Variants in ZDHHC11 observed in about 807,000 individuals in gnomAD.
ZDHHC11 encodes the protein zDHHC palmitoyltransferase 11, also known as palmitoyltransferase ZDHHC11.
ZDHHC11 carries 44 observed loss-of-function variants against 51.3 expected under a neutral mutation model. That is an observed-to-expected ratio of 0.86 (90% CI 0.67 to 1.10). ZDHHC11 has a LOEUF of 1.10. Ranked by LOEUF, ZDHHC11 falls within the 50% of genes least tolerant of loss-of-function variation. The pLI, the probability that ZDHHC11 is intolerant of heterozygous loss-of-function variation, is 0.00. For missense variants in ZDHHC11, 400 were observed against 537.7 expected, an observed-to-expected ratio of 0.74 and a Z score of 2.53; for synonymous variants, 163 against 222.0, an observed-to-expected ratio of 0.73 and a Z score of 2.36.
intron 1 of ZDHHC11, among the ~76,000 whole-genome samples, chr5:856,310 C>T (rs1748235352): frequency 6.6e-6 from 1 of 151,746 alleles, no homozygotes; most frequent in Admixed American, 6.6e-5. Context: ...CAAGACACCA[C>T]ACACACCATA....
At chr5:813,939 C>A (rs566155067) in intron 11 of ZDHHC11, among the ~76,000 whole-genome samples, 2 of 151,086 alleles carry the variant, frequency 1.3e-5, no homozygotes, top group East Asian at 1.9e-4. Flanking sequence ...ATGACTCTTA[C>A]CTTTCCACTT....
intron 11 of ZDHHC11, among the ~76,000 whole-genome samples, chr5:813,069 A>G (rs200564251): frequency 0.22 from 28,871 of 130,674 alleles, 8,621 homozygotes; most frequent in African/African-American, 0.67. Context: ...AGACACAGTG[A>G]CTCATGTCTG....
intron 6 of ZDHHC11, among the ~76,000 whole-genome samples, chr5:835,830 CTTTTT>C (rs1743756458): frequency 6.6e-6 from 1 of 151,722 alleles, no homozygotes. Context: ...CAAATTTATT[CTTTTT>C]TTATTAGACT....
chr5:807,303 CTT>C (rs1213273735), intron 11 of ZDHHC11, among the ~76,000 whole-genome samples: 1 of 150,674 alleles, frequency 6.6e-6, no homozygotes, highest in African/African-American at 2.4e-5. Flanking sequence ...TGTATGTACT[CTT>C]TAGGAATATA....
chr5:797,029 AC>A (rs528197267), intron 12 of ZDHHC11, among the ~76,000 whole-genome samples: 1 of 151,064 alleles, frequency 6.6e-6, no homozygotes. Context: ...AATACAGTGA[AC>A]CCCCGTCTCT....
At chr5:849,313 A>G (rs1013657439) in intron 1 of ZDHHC11, among the ~76,000 whole-genome samples, 2 of 152,062 alleles carry the variant, frequency 1.3e-5, no homozygotes, top group African/African-American at 4.8e-5. Flanking sequence ...AAGCACAGTG[A>G]CCCCAAAACC....
At chr5:841,457 T>A in intron 4 of ZDHHC11, 1 of 976,758 alleles carries the variant, frequency 1.0e-6, no homozygotes. Flanking sequence ...GGGGTCACAG[T>A]GCCCACCCCT....
At chr5:799,708 T>C (rs1046529902) in intron 12 of ZDHHC11, among the ~76,000 whole-genome samples, 1 of 151,656 alleles carries the variant, frequency 6.6e-6, no homozygotes, top group African/African-American at 2.4e-5. Context: ...CGCTGTTCTA[T>C]AGACATTCTA....
chr5:803,505 C>T (rs1738788525), intron 11 of ZDHHC11, among the ~76,000 whole-genome samples: 1 of 151,338 alleles, frequency 6.6e-6, no homozygotes, highest in Admixed American at 6.6e-5. Flanking sequence ...AGAAAATCCA[C>T]AGTCCCAGAG....
chr5:799,795 TTC>T (rs1158061738), intron 12 of ZDHHC11, among the ~76,000 whole-genome samples: 2 of 151,664 alleles, frequency 1.3e-5, no homozygotes, highest in Admixed American at 1.3e-4. Context: ...AATTTACTTC[TTC>T]TTTCCTTGAA....
chr5:808,739 C>G (rs1739654478), intron 11 of ZDHHC11, among the ~76,000 whole-genome samples: 1 of 146,400 alleles, frequency 6.8e-6, no homozygotes, highest in Non-Finnish European at 1.5e-5. Flanking sequence ...GCTCTGTCGC[C>G]CAGGCTGGAG....
At chr5:838,378 A>G (rs561118174) in intron 5 of ZDHHC11, among the ~76,000 whole-genome samples, 1 of 152,086 alleles carries the variant, frequency 6.6e-6, no homozygotes, top group East Asian at 1.9e-4. Context: ...CTAAACACCA[A>G]CACCGTGAGA....
chr5:800,205 T>C (rs1738217706), intron 12 of ZDHHC11, among the ~76,000 whole-genome samples: 2 of 151,044 alleles, frequency 1.3e-5, no homozygotes, highest in Non-Finnish European at 3.0e-5. Context: ...ACTCTGAGGA[T>C]ACCAGGGCTT....
chr5:816,981 A>G, intron 10 of ZDHHC11: 1 of 242,214 alleles, frequency 4.1e-6, no homozygotes. Flanking sequence ...CACTCTCCCC[A>G]TGGGAAGAAA....
chr5:848,493 G>A lies in ZDHHC11; in HGVS notation c.390C>T (p.Cys130=), dbSNP rs1187930445. 12 of 1,433,636 alleles carry A rather than the reference G, an allele frequency of 8.4e-6. No individual in the cohort carries two copies. The highest frequency in any genetic ancestry group is 2.4e-4 in the Middle Eastern group (1 of 4,126). 88.8% of individuals were successfully genotyped at this position (1,433,636 alleles called of 1,614,324 possible). Residue 130 remains cysteine, a synonymous_variant, in exon 2 of 13, where the codon TGC becomes TGT. Transcript: ENST00000283441. ...HVIQNQFCHL[C]KVTVNKKTKH... ...GGGCGGGCACTCACACGGTGACCTTGCACAGGTGGCAGAACTGATTCTGGA... is the reference window on the plus strand; with the variant it reads ...GGGCGGGCACTCACACGGTGACCTTACACAGGTGGCAGAACTGATTCTGGA...
Position 841,999 on chromosome 5 carries a change from C to G in ZDHHC11, c.629-1349G>C, listed in dbSNP as rs553194498. On this transcript the variant is annotated intron_variant, in intron 4 of 12. Transcript: ENST00000283441. ...GCCGGGCTGGACCCCATGCTGCCCC[C>G]CTTAGCCAGTGACATCACGATGAGT... 98 of 988,400 alleles carry G rather than the reference C, an allele frequency of 9.9e-5. No individual in the cohort carries two copies. In the African/African-American group the frequency reaches 1.4e-3, roughly 14 times the overall value. The allele number at this position is 988,400 out of a possible 1,614,324, so 61.2% of individuals were successfully genotyped here. A position where few individuals can be genotyped will look rare whatever the true frequency, so the allele number is the denominator to read the frequency against.
Position 823,980 on chromosome 5 carries a change from G to A in ZDHHC11, c.1023+1184C>T, listed in dbSNP as rs1477337925. The A allele has an allele frequency of 6.7e-5, 30 of 444,908 alleles. 1 individual carries two copies. The highest frequency in any genetic ancestry group is 4.8e-4 in the African/African-American group (24 of 49,822). The allele number at this position is 444,908 out of a possible 1,614,324, so 27.6% of individuals were successfully genotyped here. Reference sequence around the variant, plus strand: ...AATCTTTGCTGGAAGTGCAGGCAAGGGGCAAGGCTTGGACACCAGCGTCGC... The same window carrying A: ...AATCTTTGCTGGAAGTGCAGGCAAGAGGCAAGGCTTGGACACCAGCGTCGC... On this transcript the variant is annotated intron_variant, in intron 8 of 12. Transcript: ENST00000283441.
At chr5:803,846 G>T (rs1194107369) in intron 11 of ZDHHC11, among the ~76,000 whole-genome samples, 1 of 150,126 alleles carries the variant, frequency 6.7e-6, no homozygotes, top group Non-Finnish European at 1.5e-5. Context: ...GAGCTGGAAA[G>T]TACATAACTG....
chr5:798,152 T>C (rs563282159), intron 12 of ZDHHC11, among the ~76,000 whole-genome samples: 1 of 150,642 alleles, frequency 6.6e-6, no homozygotes, highest in Admixed American at 6.7e-5. Flanking sequence ...GCCCTTACTT[T>C]AAGAGATTAC....
Sources: gnomAD v4.1 joint callset for allele counts (sites outside exome capture counted in the v4.1 genomes callset) on GRCh38, gnomAD v4.1.1 for gene constraint, MANE v1.5 for transcripts, NCBI Gene and HGNC (gene_info 2026-07-23, HGNC 2026-07-21) for gene names.